Variants in SULT2B1 observed in about 807,000 individuals in gnomAD.
SULT2B1 encodes sulfotransferase family 2B member 1.
In SULT2B1, 16 loss-of-function variants were observed where a neutral mutation model predicts 33.2. The observed-to-expected ratio is 0.48, with a 90% CI of 0.33 to 0.73. The LOEUF (loss-of-function observed/expected upper bound fraction) is 0.73, where lower values mean the gene tolerates loss of function less well. Ranked by LOEUF, SULT2B1 falls within the 30% of genes least tolerant of loss-of-function variation. The probability of loss-of-function intolerance (pLI) is 0.02; values close to 1 mark genes in which losing one functional copy is unlikely to be tolerated. For synonymous variants in SULT2B1, 186 were observed against 200.5 expected (o/e 0.93, Z 0.61); for missense variants, 500 against 506.0 (o/e 0.99, Z 0.11).
intron 1 of SULT2B1, among the ~76,000 whole-genome samples, chr19:48,555,549 C>CCTCTCTCTCT (rs142655043): frequency 0.01 from 1,263 of 124,124 alleles, 32 homozygotes; most frequent in African/African-American, 0.028. Flanking sequence ...CCAGAGACAT[C>CCTCTCTCTCT]CTCTCTCTCT....
chr19:48,591,499 C>T (rs1973641990), intron 3 of SULT2B1, 110 bp from the exon 4 acceptor site: 2 of 1,317,694 alleles, frequency 1.5e-6, no homozygotes, highest in Admixed American at 2.6e-5. Flanking sequence ...GCCCTGAGTC[C>T]TTCCTGCTTC....
At chr19:48,581,882 T>TTA (rs1293889188) in intron 2 of SULT2B1, among the ~76,000 whole-genome samples, 1 of 122,970 alleles carries the variant, frequency 8.1e-6, no homozygotes, top group Non-Finnish European at 1.7e-5. Flanking sequence ...TGTTTTATTA[T>TTA]TATTATTATA....
Position 48,552,579 on chromosome 19 carries a change from G to C in SULT2B1, c.71+256G>C, listed in dbSNP as rs976693684. The stretch of plus-strand genomic sequence containing the variant: ...TGTCCCTGTCGCTCTCCGGGCCTCA[G>C]TTTTTCTGTCTGTCAAAGGGGCCCA... On this transcript the variant is annotated intron_variant, in intron 1 of 6. Coordinates refer to ENST00000201586, the MANE Select transcript of SULT2B1 (RefSeq NM_177973.2). This position sits in a 1 kb window ranked among gnomAD's most constrained non-coding sequence, Gnocchi z 4.8. Among the ~76,000 whole-genome samples the C allele has an allele frequency of 6.6e-5, 10 of 152,266 alleles. No homozygotes were observed. The highest frequency in any genetic ancestry group is 1.9e-4 in the African/African-American group (8 of 41,546).
rs1275875177 is a variant in SULT2B1, at chr19:48,552,176, G to A, written c.-77G>A. On this transcript the variant is annotated 5_prime_UTR_variant, in exon 1 of 7. Coordinates refer to ENST00000201586, the MANE Select transcript of SULT2B1 (RefSeq NM_177973.2). This position sits in a 1 kb window ranked among gnomAD's most constrained non-coding sequence, Gnocchi z 4.8. ...CTGGCGGGCTCCCCAGGTGGCAGACGCTGTCGCTGCGCACACCTGGCCTCT... is the reference window on the plus strand; with the variant it reads ...CTGGCGGGCTCCCCAGGTGGCAGACACTGTCGCTGCGCACACCTGGCCTCT... 33 of 1,452,236 alleles carry A rather than the reference G, an allele frequency of 2.3e-5. No individual in the cohort carries two copies. Among genetic ancestry groups the A allele is most frequent in the Non-Finnish European group, 2.9e-5 (30 of 1,048,152 alleles). 90.0% of individuals were successfully genotyped at this position (1,452,236 alleles called of 1,614,324 possible). A position where few individuals can be genotyped will look rare whatever the true frequency, so the allele number is the denominator to read the frequency against.
chr19:48,588,005 T>G (rs1806677927), intron 3 of SULT2B1, among the ~76,000 whole-genome samples: 1 of 143,668 alleles, frequency 7.0e-6, no homozygotes, highest in Admixed American at 7.0e-5. Flanking sequence ...AGGCCAGGAG[T>G]TCAATACCAG....
intron 1 of SULT2B1, among the ~76,000 whole-genome samples, chr19:48,562,541 G>T (rs1973195821): frequency 6.6e-6 from 1 of 152,056 alleles, no homozygotes. Flanking sequence ...GAAGGAGTGA[G>T]ACTATGTCTC....
At chr19:48,598,449 G>A (rs1226096736) in intron 6 of SULT2B1, among the ~76,000 whole-genome samples, 2 of 152,044 alleles carry the variant, frequency 1.3e-5, no homozygotes, top group Non-Finnish European at 2.9e-5. Flanking sequence ...AAAATTAGCC[G>A]GGCGTGGTGG....
intron 1 of SULT2B1, among the ~76,000 whole-genome samples, chr19:48,565,293 AG>A (rs1325356349): frequency 1.3e-5 from 2 of 152,024 alleles, no homozygotes; most frequent in Non-Finnish European, 2.9e-5. Flanking sequence ...TAAACATTCC[AG>A]GCTGCATATT....
At chr19:48,570,861 T>C (rs917312241) in intron 1 of SULT2B1, among the ~76,000 whole-genome samples, 5 of 151,698 alleles carry the variant, frequency 3.3e-5, no homozygotes, top group Non-Finnish European at 7.4e-5. Context: ...TAGCTGGGAC[T>C]ACAGGCGCCC....
Position 48,599,415 on chromosome 19 carries a change from T to A in SULT2B1, c.*9T>A. 3 of 1,549,646 alleles carry A rather than the reference T, an allele frequency of 1.9e-6. No individual in the cohort carries two copies. Among genetic ancestry groups the A allele is most frequent in the Non-Finnish European group, 2.6e-6 (3 of 1,146,864 alleles). On this transcript the variant is annotated 3_prime_UTR_variant, in exon 7 of 7. Coordinates refer to ENST00000201586, the MANE Select transcript of SULT2B1 (RefSeq NM_177973.2). This position sits in a 1 kb window ranked among gnomAD's most constrained non-coding sequence, Gnocchi z 4.1. ...ACCCACGACCCTCATAATAAACACG[T>A]CGATTCTGTCCAGGTTCCTTGATGC...
At chr19:48,574,249 T>C (rs2147610097) in intron 1 of SULT2B1, among the ~76,000 whole-genome samples, 1 of 152,300 alleles carries the variant, frequency 6.6e-6, no homozygotes, top group South Asian at 2.1e-4. Context: ...ACTTTCCTTT[T>C]GTCCTGGTAA....
At position 48,597,337 on chromosome 19, in the gene SULT2B1, C is replaced by CT. The variant is rs535736357; in HGVS notation, c.826+438dup. Among the ~76,000 whole-genome samples, 103 of 106,886 alleles carry CT rather than the reference C, an allele frequency of 9.6e-4. No individual in the cohort carries two copies. The South Asian group carries it at 0.015, about 16-fold the overall frequency. 70.1% of individuals were successfully genotyped at this position (106,886 alleles called of 152,430 possible). ...CTCCATGACTCAAAACACGTTTACT[C>CT]TTTTTTTTTTTTTTTTTTTTGAAAG... On this transcript the variant is annotated intron_variant, in intron 6 of 6. Transcript: ENST00000201586.
At chr19:48,562,582 C>T (rs1973196171) in intron 1 of SULT2B1, among the ~76,000 whole-genome samples, 2 of 151,950 alleles carry the variant, frequency 1.3e-5, no homozygotes, top group South Asian at 4.1e-4. Flanking sequence ...AATAAAAAAT[C>T]ATATGCATGT....
chr19:48,596,866 C>T lies in SULT2B1; in HGVS notation c.773C>T (p.Thr258Met), dbSNP rs143866846. The T allele has an allele frequency of 4.9e-5, 78 of 1,608,182 alleles. No homozygotes were observed. The highest frequency in any genetic ancestry group is 1.2e-4 in the Admixed American group (7 of 59,846). The change falls in exon 6 of 7, where the codon ACG becomes ATG. Residue 258 changes from threonine to methionine, a missense_variant. Coordinates refer to ENST00000201586, the MANE Select transcript of SULT2B1 (RefSeq NM_177973.2). ...AAGGCCAACACCATGTCCAACTACA[C>T]GCTGCTGCCTCCCAGCCTGCTGGAC... Reference protein sequence around the residue: ...AMKANTMSNYTLLPPSLLDHR... With the variant: ...AMKANTMSNYMLLPPSLLDHR...
intron 1 of SULT2B1, among the ~76,000 whole-genome samples, chr19:48,556,350 A>G (rs898219365): frequency 2.6e-5 from 4 of 152,180 alleles, no homozygotes; most frequent in African/African-American, 9.6e-5. Flanking sequence ...AAGGACGTCA[A>G]GAATGAATGA....
intron 1 of SULT2B1, among the ~76,000 whole-genome samples, chr19:48,575,373 C>T (rs907639660): frequency 6.6e-6 from 1 of 150,940 alleles, no homozygotes; most frequent in Non-Finnish European, 1.5e-5. Flanking sequence ...CTCCTGACCT[C>T]GTGATCCACC....
In SULT2B1 at chr19:48,599,320, A is replaced by G; in HGVS notation, c.1012A>G (p.Ser338Gly). The change falls in exon 7 of 7, where the codon AGC (serine) becomes GGC (glycine). Residue 338 changes from serine (S) to glycine (G), a missense_variant. Coordinates refer to ENST00000201586, the MANE Select transcript of SULT2B1 (RefSeq NM_177973.2). This position sits in a 1 kb window ranked among gnomAD's most constrained non-coding sequence, Gnocchi z 4.1. ...CAAGCCCAGCCTTGAGCCCAACACCAGCCTGGAGCGTGAGCCCAGACCCAA... is the reference window on the plus strand; with the variant it reads ...CAAGCCCAGCCTTGAGCCCAACACCGGCCTGGAGCGTGAGCCCAGACCCAA... ...EPKPSLEPNT[S>G]LEREPRPNSS... 1 of 1,605,838 alleles carries G rather than the reference A, an allele frequency of 6.2e-7. No homozygotes were observed. The highest frequency in any genetic ancestry group is 8.5e-7 in the Non-Finnish European group (1 of 1,176,302).
rs4011541 is a variant in SULT2B1, at chr19:48,581,472, G to GT, written c.214+5405dup. 5.3e-3 allele frequency among the ~76,000 whole-genome samples: 627 copies of GT among 118,872 alleles called. 45 individuals are homozygous for GT. The highest frequency in any genetic ancestry group is 0.013 in the African/African-American group (390 of 29,810). 78.0% of individuals were successfully genotyped at this position (118,872 alleles called of 152,430 possible). On this transcript the variant is annotated intron_variant, in intron 2 of 6. Coordinates refer to ENST00000201586, the MANE Select transcript of SULT2B1 (RefSeq NM_177973.2). ...GTTTTCTTATCATTGAGATTTGAGA[G>GT]TTTTTTTTTTTTTTTTGAGACAGAG...
At chr19:48,573,760 A>G (rs1973363230) in intron 1 of SULT2B1, among the ~76,000 whole-genome samples, 1 of 152,132 alleles carries the variant, frequency 6.6e-6, no homozygotes. Context: ...GTGTGGCCAC[A>G]GTCAAATCGC....
Sources: allele counts gnomAD v4.1 joint callset (sites outside exome capture counted in the v4.1 genomes callset), GRCh38; gene constraint gnomAD v4.1.1; non-coding constraint Gnocchi (gnomAD v3.1); transcripts MANE v1.5; gene names NCBI Gene and HGNC (gene_info 2026-07-23, HGNC 2026-07-21).